Variants in APTX observed in about 807,000 individuals in gnomAD.
The protein encoded by APTX is forkhead-associated domain histidine triad-like protein.
A neutral mutation model predicts 42.3 loss-of-function variants in APTX; 33 were observed. The observed-to-expected ratio is 0.78, with a 90% CI of 0.59 to 1.04. The LOEUF (loss-of-function observed/expected upper bound fraction) is 1.04. APTX is among the 50% of genes least tolerant of loss of function. The pLI, the probability that APTX is intolerant of heterozygous loss-of-function variation, is 0.00. For synonymous variants in APTX, 130 were observed against 146.7 expected, an observed-to-expected ratio of 0.89 and a Z score of 0.82; for missense variants, 421 against 415.1, an observed-to-expected ratio of 1.01 and a Z score of -0.12.
chr9:33,022,997 A>G (rs1323584448), intron 1 of APTX, among the ~76,000 whole-genome samples: 1 of 151,762 alleles, frequency 6.6e-6, no homozygotes, highest in Non-Finnish European at 1.5e-5. Context: ...CCACCACACT[A>G]ACTCTAATTT....
intron 6 of APTX, among the ~76,000 whole-genome samples, chr9:32,975,311 A>G (rs1829112157): frequency 6.6e-6 from 1 of 150,746 alleles, no homozygotes; most frequent in Admixed American, 6.6e-5. Context: ...TATCTGATTT[A>G]TACTCTTTTT....
chr9:33,012,762 A>G (rs1837627158), intron 1 of APTX, among the ~76,000 whole-genome samples: 1 of 152,206 alleles, frequency 6.6e-6, no homozygotes, highest in African/African-American at 2.4e-5. Context: ...TAAATAAATG[A>G]TTGCTACCTT....
intron 1 of APTX, among the ~76,000 whole-genome samples, chr9:32,993,844 G>A (rs1438953468): frequency 6.6e-6 from 1 of 150,984 alleles, no homozygotes; most frequent in Non-Finnish European, 1.5e-5. Flanking sequence ...TCAGCCTCCT[G>A]AGCAGCTGGG....
At chr9:32,997,274 G>A (rs1835159465) in intron 1 of APTX, 1 of 152,182 alleles carries the variant, frequency 6.6e-6, no homozygotes, top group Non-Finnish European at 1.5e-5. Context: ...AGACTGAGGT[G>A]GAAGGATTGC....
chr9:33,001,284 G>A (rs1428214722), intron 1 of APTX: 3 of 1,469,866 alleles, frequency 2.0e-6, no homozygotes, highest in South Asian at 1.2e-5. Context: ...GTTGGACAGG[G>A]CCCATTCTCT....
chr9:33,023,531 G>A (rs375528435), intron 1 of APTX, among the ~76,000 whole-genome samples: 4 of 152,160 alleles, frequency 2.6e-5, no homozygotes, highest in South Asian at 4.1e-4. Flanking sequence ...CCTGACTTAC[G>A]TGATTTTTGT....
At chr9:33,006,999 C>CAAA (rs55924566) in intron 1 of APTX, among the ~76,000 whole-genome samples, 907 of 48,808 alleles carry the variant, frequency 0.019, no homozygotes, top group Non-Finnish European at 0.021. Context: ...GACTCTGTCT[C>CAAA]AAAAAAAAAA....
At chr9:33,011,294 T>G (rs1320937465) in intron 1 of APTX, among the ~76,000 whole-genome samples, 1 of 150,338 alleles carries the variant, frequency 6.7e-6, no homozygotes. Flanking sequence ...CCATATTTTT[T>G]TTTTTTGTTT....
At chr9:33,010,205 G>C (rs1837439842) in intron 1 of APTX, among the ~76,000 whole-genome samples, 1 of 152,186 alleles carries the variant, frequency 6.6e-6, no homozygotes, top group Admixed American at 6.5e-5. Flanking sequence ...GGCACCGTCA[G>C]ACCAGCTCCT....
At chr9:32,977,843 GA>G (rs796569258) in intron 6 of APTX, among the ~76,000 whole-genome samples, 1 of 142,172 alleles carries the variant, frequency 7.0e-6, no homozygotes, top group Middle Eastern at 3.5e-3. Flanking sequence ...AAAAGAAAAA[GA>G]AAAAAAAAAC....
At chr9:33,024,434 G>T (rs973459461) in intron 1 of APTX, among the ~76,000 whole-genome samples, 1 of 152,248 alleles carries the variant, frequency 6.6e-6, no homozygotes, top group Non-Finnish European at 1.5e-5. Context: ...TTACGTTGCA[G>T]ATTGTACATC....
chr9:33,011,286 A>G (rs967345300), intron 1 of APTX, among the ~76,000 whole-genome samples: 32 of 150,054 alleles, frequency 2.1e-4, no homozygotes, highest in African/African-American at 7.8e-4. Context: ...GTGGAGCACC[A>G]TATTTTTTTT....
chr9:32,982,386 T>A (rs1830879132), intron 6 of APTX, among the ~76,000 whole-genome samples: 1 of 152,154 alleles, frequency 6.6e-6, no homozygotes, highest in Non-Finnish European at 1.5e-5. Context: ...TGGGTGAAAT[T>A]CAAATAAGGT....
intron 1 of APTX, among the ~76,000 whole-genome samples, chr9:33,009,937 G>C (rs1429340528): frequency 6.6e-6 from 1 of 152,072 alleles, no homozygotes; most frequent in Non-Finnish European, 1.5e-5. Flanking sequence ...AGAAGTTCTT[G>C]TCCATCTCTC....
intron 1 of APTX, among the ~76,000 whole-genome samples, chr9:32,992,222 C>A (rs1833815142): frequency 6.6e-6 from 1 of 152,070 alleles, no homozygotes; most frequent in African/African-American, 2.4e-5. Flanking sequence ...AGTTTCATGT[C>A]CATAAGCAAA....
chr9:32,989,877 G>C lies in APTX; in HGVS notation c.15C>G (p.Cys5Trp), dbSNP rs199547517. Reference protein sequence around the residue: MMRVCWLVRQDSRHQ... With the variant: MMRVWWLVRQDSRHQ... ...GCCGGCTGTCCTGTCTCACCAACCA[G>C]CACACCCGCATCATCACTCTAAGGG... The change falls in exon 2 of 8, where the codon TGC becomes TGG. Residue 5 changes from cysteine to tryptophan, a missense_variant. Transcript: ENST00000379817. 2 of 1,614,068 alleles carry C rather than the reference G, an allele frequency of 1.2e-6. No homozygotes were observed. Among genetic ancestry groups the C allele is most frequent in the Non-Finnish European group, 1.7e-6 (2 of 1,180,006 alleles).
chr9:33,023,447 C>G (rs572650037), intron 1 of APTX, among the ~76,000 whole-genome samples: 37 of 151,072 alleles, frequency 2.4e-4, no homozygotes, highest in African/African-American at 7.8e-4. Flanking sequence ...TGGTCTAGAA[C>G]TCCGGATCTC....
chr9:32,987,792 C>T lies in APTX; in HGVS notation c.235G>A (p.Val79Met). 6.2e-7 allele frequency: 1 copy of T among 1,614,080 alleles called. No individual in the cohort carries two copies. Among genetic ancestry groups the T allele is most frequent in the Non-Finnish European group, 8.5e-7 (1 of 1,180,038 alleles). ...DSVVIGKDQE[V>M]KLQPGQVLHM... is the part of the protein sequence containing the mutation. ...AGAACCTGGCCAGGCTGCAGCTTCA[C>T]CTCTTGGTCCTTCCCAATTACGACT... The change falls in exon 4 of 8, where the codon GTG becomes ATG. Residue 79 changes from valine (V) to methionine (M), a missense_variant. Val to Met is a conservative substitution (Grantham distance 21, BLOSUM62 1). Coordinates refer to ENST00000379817, the MANE Select transcript of APTX (RefSeq NM_001195248.2).
At chr9:32,993,617 G>T (rs1186717788) in intron 1 of APTX, among the ~76,000 whole-genome samples, 1 of 151,570 alleles carries the variant, frequency 6.6e-6, no homozygotes. Context: ...TCCTTCTATG[G>T]CTCTTCTTAC....
Sources: allele counts gnomAD v4.1 joint callset (sites outside exome capture counted in the v4.1 genomes callset), GRCh38; gene constraint gnomAD v4.1.1; transcripts MANE v1.5; gene names NCBI Gene and HGNC (gene_info 2026-07-23, HGNC 2026-07-21).